The following PSD2 variants were observed in gnomAD, a reference collection of about 807,000 sequenced individuals.
PSD2 encodes PH and SEC7 domain-containing protein 2.
Under a neutral mutation model 69.8 loss-of-function variants are expected in PSD2, and 38 were observed. The observed-to-expected ratio is 0.54, with a 90% CI of 0.42 to 0.71. The LOEUF (loss-of-function observed/expected upper bound fraction) is 0.71. Among genes scored for constraint, PSD2 ranks in the 30% least tolerant of loss-of-function variants. PSD2 has a pLI of 0.00. For synonymous variants in PSD2, 412 were observed against 423.0 expected (o/e 0.97, Z 0.32); for missense variants, 943 against 1,014.5 (o/e 0.93, Z 0.96).
the PSD2 span, among the ~76,000 whole-genome samples, chr5:139,788,404 C>A: frequency 1.3e-5 from 2 of 151,892 alleles, no homozygotes; most frequent in African/African-American, 2.4e-5. Flanking sequence ...CTAACCGCGC[C>A]GCGCGCCCCG....
chr5:139,799,893 G>A (rs1379367197), intron 1 of PSD2, among the ~76,000 whole-genome samples: 1 of 152,180 alleles, frequency 6.6e-6, no homozygotes, highest in Non-Finnish European at 1.5e-5. Flanking sequence ...GGCTTGGGAA[G>A]GGAGATGGAG....
chr5:139,804,442 A>C (rs1451683991), intron 1 of PSD2, among the ~76,000 whole-genome samples: 2 of 152,198 alleles, frequency 1.3e-5, no homozygotes, highest in African/African-American at 4.8e-5. Context: ...GATATACTCT[A>C]AATGTTGCAC....
At chr5:139,778,679 C>T in the PSD2 span, among the ~76,000 whole-genome samples, 3 of 151,990 alleles carry the variant, frequency 2.0e-5, no homozygotes, top group African/African-American at 4.8e-5. Context: ...GCCTGTAATA[C>T]TAGCACTTTG....
chr5:139,802,356 G>A (rs894509081), intron 1 of PSD2, among the ~76,000 whole-genome samples: 1 of 152,024 alleles, frequency 6.6e-6, no homozygotes, highest in African/African-American at 2.4e-5. Flanking sequence ...AGACTGTGGG[G>A]AGCTACTCAG....
intron 5 of PSD2, among the ~76,000 whole-genome samples, chr5:139,819,400 A>C (rs1324917025): frequency 6.6e-6 from 1 of 152,174 alleles, no homozygotes; most frequent in Non-Finnish European, 1.5e-5. Flanking sequence ...CCCCCTCTTC[A>C]ACAAAATATC....
chr5:139,821,826 TGTG>T (rs1760266858), intron 5 of PSD2, 64 bp from the exon 6 acceptor site: 4 of 855,834 alleles, frequency 4.7e-6, no homozygotes, highest in African/African-American at 3.3e-5. Context: ...GTGCTGTGTG[TGTG>T]GGGGGTGGTC....
At chr5:139,810,258 A>C (rs144786473) in intron 2 of PSD2, among the ~76,000 whole-genome samples, 2 of 152,332 alleles carry the variant, frequency 1.3e-5, no homozygotes, top group African/African-American at 4.8e-5. Flanking sequence ...AGTAATCGTC[A>C]GGAAGTTCTA....
intron 1 of PSD2, among the ~76,000 whole-genome samples, chr5:139,807,945 T>G (rs1406320131): frequency 1.3e-5 from 2 of 152,202 alleles, no homozygotes; most frequent in Admixed American, 6.5e-5. Flanking sequence ...TAATCTGCAT[T>G]GTACCAAGTC....
rs775900690 is a variant in PSD2 at position 139,809,683 on chromosome 5, A to G, written c.243A>G (p.Leu81=). ...LSLGLSLTNG[L]ALGPDLNILE... is the part of the protein sequence containing the mutation. ...TTGGCCTCTCTCTCACCAATGGCCTAGCCCTGGGGCCAGACTTGAACATTC... is the reference window on the plus strand; with the variant it reads ...TTGGCCTCTCTCTCACCAATGGCCTGGCCCTGGGGCCAGACTTGAACATTC... Residue 81 remains leucine, a synonymous_variant, in exon 2 of 15, where the codon CTA becomes CTG. Coordinates refer to ENST00000274710, the MANE Select transcript of PSD2 (RefSeq NM_032289.4). 3.1e-6 allele frequency: 5 copies of G among 1,614,142 alleles called. No individual in the cohort carries two copies. Among genetic ancestry groups the G allele is most frequent in the African/African-American group, 1.3e-5 (1 of 74,950 alleles).
chr5:139,773,190 G>A, the PSD2 span, among the ~76,000 whole-genome samples: 1 of 152,022 alleles, frequency 6.6e-6, no homozygotes, highest in Non-Finnish European at 1.5e-5. Flanking sequence ...CATTAAAACA[G>A]TAACTCCCCC....
At chr5:139,820,168 A>G (rs892812883) in intron 5 of PSD2, among the ~76,000 whole-genome samples, 3 of 151,972 alleles carry the variant, frequency 2.0e-5, no homozygotes, top group African/African-American at 7.3e-5. Context: ...ACAGCCCAAG[A>G]GTTTGGTGGT....
the PSD2 span, among the ~76,000 whole-genome samples, chr5:139,784,579 A>G: frequency 6.6e-6 from 1 of 152,018 alleles, no homozygotes; most frequent in Non-Finnish European, 1.5e-5. Context: ...ATGGCCTACA[A>G]CGCCCTCCAT....
In PSD2 at chr5:139,822,742, C is replaced by T. The variant is rs1022130530; in HGVS notation, c.1227C>T (p.Leu409=). ...CTGACTCAGATGGGATCCACACGCT[C>T]ACCTGTGCCCTGATGCTGCTCAACA... is the stretch of plus-strand genomic sequence containing the variant. The part of the protein sequence containing the change: ...DSTSEDGIHT[L]TCALMLLNTD... Residue 409 remains leucine, a synonymous_variant, in exon 7 of 15, where the codon CTC becomes CTT. Transcript: ENST00000274710. 7 of 1,610,434 alleles carry T rather than the reference C, an allele frequency of 4.3e-6. No individual in the cohort carries two copies. The highest frequency in any genetic ancestry group is 5.9e-6 in the Non-Finnish European group (7 of 1,178,340).
chr5:139,762,944 G>A, the PSD2 span, among the ~76,000 whole-genome samples: 8 of 152,118 alleles, frequency 5.3e-5, no homozygotes, highest in Admixed American at 5.2e-4. Flanking sequence ...TACCTTCCAG[G>A]TAACAGGACC....
At chr5:139,835,396 T>A (rs565689142) in intron 8 of PSD2, among the ~76,000 whole-genome samples, 1 of 152,320 alleles carries the variant, frequency 6.6e-6, no homozygotes, top group African/African-American at 2.4e-5. Context: ...CATCCATTCA[T>A]TTACCCTGTC....
chr5:139,816,687 G>A (rs1760129067), intron 4 of PSD2, among the ~76,000 whole-genome samples: 1 of 152,216 alleles, frequency 6.6e-6, no homozygotes, highest in Admixed American at 6.5e-5. Context: ...TGGCCTGCAG[G>A]ACAACACACC....
rs1760938674 is a variant in PSD2, at chr5:139,843,967, A to G, written c.*1493A>G. The G allele has an allele frequency of 1.3e-5, 2 of 152,376 alleles. No individual in the cohort carries two copies. The highest frequency in any genetic ancestry group is 3.9e-4 in the East Asian group (2 of 5,194). 9.4% of individuals were successfully genotyped at this position (152,376 alleles called of 1,614,324 possible). ...AGTATCTAACTTTACAGGCCCACTC[A>G]CATTTGAGGCAAGGGGCTATTGAGT... On this transcript the variant is annotated 3_prime_UTR_variant, in exon 15 of 15. Transcript: ENST00000274710.
At chr5:139,777,271 A>C in the PSD2 span, among the ~76,000 whole-genome samples, 9 of 152,260 alleles carry the variant, frequency 5.9e-5, no homozygotes, top group African/African-American at 2.2e-4. Flanking sequence ...TGTTTGTTAT[A>C]GGGAAAGTAA....
At position 139,839,582 on chromosome 5, in the gene PSD2, C is replaced by T. The variant is rs369511930; in HGVS notation, c.1969-445C>T. 1.3e-5 allele frequency among the ~76,000 whole-genome samples: 2 copies of T among 152,278 alleles called. No individual in the cohort carries two copies. The highest frequency in any genetic ancestry group is 2.1e-4 in the South Asian group (1 of 4,822). ...TGTGATCCTGGGTCTGCAACCATTACGTGTATCTGCGCATGAATGTAAGAG... is the reference window on the plus strand; with the variant it reads ...TGTGATCCTGGGTCTGCAACCATTATGTGTATCTGCGCATGAATGTAAGAG... On this transcript the variant is annotated intron_variant, in intron 13 of 14. Coordinates refer to ENST00000274710, the MANE Select transcript of PSD2 (RefSeq NM_032289.4). The surrounding 1 kb of genome is among the most constrained non-coding windows in gnomAD (Gnocchi z 5.1).
Sources: allele counts gnomAD v4.1 joint callset (sites outside exome capture counted in the v4.1 genomes callset), GRCh38; gene constraint gnomAD v4.1.1; non-coding constraint Gnocchi (gnomAD v3.1); transcripts MANE v1.5; gene names NCBI Gene and HGNC (gene_info 2026-07-23, HGNC 2026-07-21).